Variants in TMEM8B observed in about 807,000 individuals in gnomAD.
The protein encoded by TMEM8B is nasopharyngeal carcinoma expressed 6.
In TMEM8B, 29 loss-of-function variants were observed where a neutral mutation model predicts 49.3. The ratio of observed to expected loss-of-function variants is 0.59; its 90% confidence interval spans 0.44 to 0.80. The LOEUF is 0.80. Ranked by LOEUF, TMEM8B falls within the 30% of genes least tolerant of loss-of-function variation. The probability of loss-of-function intolerance (pLI) is 0.00; values close to 1 mark genes in which losing one functional copy is unlikely to be tolerated. For missense variants in TMEM8B, 575 were observed against 658.5 expected, an observed-to-expected ratio of 0.87 and a Z score of 1.39; for synonymous variants, 264 against 272.8, an observed-to-expected ratio of 0.97 and a Z score of 0.32.
In TMEM8B at chr9:35,863,526, G is replaced by A. The variant is rs1036351363; in HGVS notation, c.*9686G>A. On this transcript the variant is annotated 3_prime_UTR_variant, in exon 13 of 13. Transcript: ENST00000643932. Reference sequence around the variant, plus strand: ...CAGGCTGGGACATCAGATAGAAGCTGGTTCCCATGGTGGCTGGGTTGGGAT... The same window carrying A: ...CAGGCTGGGACATCAGATAGAAGCTAGTTCCCATGGTGGCTGGGTTGGGAT... 1 of 152,206 alleles carries A rather than the reference G, an allele frequency of 6.6e-6. No individual in the cohort carries two copies. The highest frequency in any genetic ancestry group is 2.4e-5 in the African/African-American group (1 of 41,444). 9.4% of individuals were successfully genotyped at this position (152,206 alleles called of 1,614,324 possible). A position where few individuals can be genotyped will look rare whatever the true frequency, so the allele number is the denominator to read the frequency against.
chr9:35,846,509 C>G lies in TMEM8B; in HGVS notation c.1894C>G (p.Arg632Gly). 1 of 1,594,300 alleles carries G rather than the reference C, an allele frequency of 6.3e-7. No individual in the cohort carries two copies. Among genetic ancestry groups the G allele is most frequent in the Non-Finnish European group, 8.5e-7 (1 of 1,170,536 alleles). Residue 632 changes from arginine to glycine, a missense_variant, in exon 9 of 13, where the codon CGC (arginine) becomes GGC (glycine). By Grantham distance (125) the Arg-to-Gly change is moderately radical. Transcript: ENST00000643932. ...CAACGCGACGGCCGAGGTGCGGATGCGCACCTTCCTGTCCCCATGCGTGGA... is the reference window on the plus strand; with the variant it reads ...CAACGCGACGGCCGAGGTGCGGATGGGCACCTTCCTGTCCCCATGCGTGGA... ...CRNATAEVRMRTFLSPCVDDC... is the reference protein window; with the variant it reads ...CRNATAEVRMGTFLSPCVDDC...
At chr9:35,851,051 C>T (rs7022281) in intron 10 of TMEM8B, among the ~76,000 whole-genome samples, 94,737 of 152,056 alleles carry the variant, frequency 0.62, 29,613 homozygotes, top group East Asian at 0.75. Context: ...TCAGCACATA[C>T]AAATAGTTGA....
At chr9:35,843,674 A>G (rs535789692) in intron 6 of TMEM8B, among the ~76,000 whole-genome samples, 67 of 152,354 alleles carry the variant, frequency 4.4e-4, no homozygotes, top group African/African-American at 1.6e-3. Flanking sequence ...TCTTCAAACC[A>G]GTTGTATACA....
chr9:35,844,325 A>G (rs1182990711), intron 6 of TMEM8B, among the ~76,000 whole-genome samples: 1 of 152,240 alleles, frequency 6.6e-6, no homozygotes, highest in Non-Finnish European at 1.5e-5. Context: ...CATTACTGTC[A>G]GCGTTAAGAC....
chr9:35,837,236 T>C, intron 3 of TMEM8B, among the ~76,000 whole-genome samples: 1 of 152,220 alleles, frequency 6.6e-6, no homozygotes, highest in Non-Finnish European at 1.5e-5. Flanking sequence ...GATCTCCCTT[T>C]AGCCTTAGTC....
rs1416602790 is a variant in TMEM8B at position 35,856,660 on chromosome 9, T to C, written c.*2820T>C. On this transcript the variant is annotated 3_prime_UTR_variant, in exon 13 of 13. Transcript: ENST00000643932. Reference sequence around the variant, plus strand: ...ATGGTGAAGCCTTCTTAAAGCAATATCGGTGGAAAGGAGGGGACCAATTTA... The same window carrying C: ...ATGGTGAAGCCTTCTTAAAGCAATACCGGTGGAAAGGAGGGGACCAATTTA... 6.6e-6 allele frequency: 1 copy of C among 152,118 alleles called. No homozygotes were observed. The highest frequency in any genetic ancestry group is 1.9e-4 in the East Asian group (1 of 5,192). 9.4% of individuals were successfully genotyped at this position (152,118 alleles called of 1,614,324 possible).
chr9:35,842,298 C>A lies in TMEM8B; in HGVS notation c.1310-94C>A. Reference sequence around the variant, plus strand: ...ATTCTAGTTCTCATCCTTCCCCACTCTTTGCGAAATCCTGTCTAGCTCAGA... The same window carrying A: ...ATTCTAGTTCTCATCCTTCCCCACTATTTGCGAAATCCTGTCTAGCTCAGA... On this transcript the variant is annotated intron_variant, in intron 5 of 12. Coordinates refer to ENST00000643932, the MANE Select transcript of TMEM8B (RefSeq NM_001042590.4). This position sits in a 1 kb window ranked among gnomAD's most constrained non-coding sequence, Gnocchi z 5.6. 3.0e-6 allele frequency: 3 copies of A among 994,640 alleles called. No individual in the cohort carries two copies. The highest frequency in any genetic ancestry group is 2.0e-5 in the South Asian group (1 of 50,400). The allele number at this position is 994,640 out of a possible 1,614,324, so 61.6% of individuals were successfully genotyped here. A position where few individuals can be genotyped will look rare whatever the true frequency, so the allele number is the denominator to read the frequency against.
At chr9:35,849,673 A>G (rs1340964793) in intron 10 of TMEM8B, among the ~76,000 whole-genome samples, 1 of 152,226 alleles carries the variant, frequency 6.6e-6, no homozygotes, top group African/African-American at 2.4e-5. Context: ...ATGCATTGAT[A>G]TGCTTTTAAC....
At position 35,863,354 on chromosome 9, in the gene TMEM8B, T is replaced by C. The variant is rs1190132801; in HGVS notation, c.*9514T>C. The C allele has an allele frequency of 6.6e-6, 1 of 152,160 alleles. No individual in the cohort carries two copies. The highest frequency in any genetic ancestry group is 1.5e-5 in the Non-Finnish European group (1 of 68,036). 9.4% of individuals were successfully genotyped at this position (152,160 alleles called of 1,614,324 possible). ...ACATCAGTAACATGGTGGGTTTTCC[T>C]CACAACTTAAAAGTCTGATCGTAAC... On this transcript the variant is annotated 3_prime_UTR_variant, in exon 13 of 13. Transcript: ENST00000643932.
chr9:35,862,511 G>A lies in TMEM8B; in HGVS notation c.*8671G>A, dbSNP rs1319211862. The A allele has an allele frequency of 6.6e-6, 1 of 152,238 alleles. No homozygotes were observed. Among genetic ancestry groups the A allele is most frequent in the Non-Finnish European group, 1.5e-5 (1 of 68,096 alleles). The allele number at this position is 152,238 out of a possible 1,614,324, so 9.4% of individuals were successfully genotyped here. On this transcript the variant is annotated 3_prime_UTR_variant, in exon 13 of 13. Transcript: ENST00000643932. ...AGTAAGACCAAGTGGGCCTGGCGGA[G>A]GCATTTGAGGGCTTTTGTGTGTGCA...
chr9:35,850,024 C>G (rs1831993608), intron 10 of TMEM8B, among the ~76,000 whole-genome samples: 1 of 152,194 alleles, frequency 6.6e-6, no homozygotes, highest in East Asian at 1.9e-4. Context: ...CCTTATATCC[C>G]TCAGACCATC....
In TMEM8B at chr9:35,846,839, C is replaced by T. The variant is rs774128634; in HGVS notation, c.2019C>T (p.Thr673=). The change falls in exon 10 of 13, where the codon ACC becomes ACT. Residue 673 remains threonine, a synonymous_variant. Transcript: ENST00000643932. ...CKAGWRGWGC[T]DSADALTYGF... ...CAGGGTGGAGAGGCTGGGGCTGCACCGACAGTGCAGATGCGCTCACCTATG... is the reference window on the plus strand; with the variant it reads ...CAGGGTGGAGAGGCTGGGGCTGCACTGACAGTGCAGATGCGCTCACCTATG... 13 of 1,613,860 alleles carry T rather than the reference C, an allele frequency of 8.1e-6. No homozygotes were observed. The highest frequency in any genetic ancestry group is 1.1e-5 in the Non-Finnish European group (13 of 1,179,878).
Position 35,838,196 on chromosome 9 carries a change from A to G in TMEM8B, c.907-2938A>G, listed in dbSNP as rs565400474. 2.8e-4 allele frequency among the ~76,000 whole-genome samples: 42 copies of G among 152,316 alleles called. 1 individual carries two copies. In the South Asian group the frequency reaches 8.5e-3, roughly 31 times the overall value. On this transcript the variant is annotated intron_variant, in intron 3 of 12. Coordinates refer to ENST00000643932, the MANE Select transcript of TMEM8B (RefSeq NM_001042590.4). ...TGAATAGGCAATCCATGCACCTGGT[A>G]CAACATTCAAAAGGTACAAAAGATA...
At chr9:35,830,208 C>T (rs951272077) in intron 1 of TMEM8B, among the ~76,000 whole-genome samples, 1 of 152,106 alleles carries the variant, frequency 6.6e-6, no homozygotes, top group African/African-American at 2.4e-5. Context: ...TGGTGTCTGT[C>T]CTGACCCCAC....
At chr9:35,843,529 C>G (rs1288367197) in intron 6 of TMEM8B, among the ~76,000 whole-genome samples, 1 of 152,134 alleles carries the variant, frequency 6.6e-6, no homozygotes, top group Non-Finnish European at 1.5e-5. Context: ...ACCGGGGTAC[C>G]AGGTAACAAG....
chr9:35,841,784 G>A lies in TMEM8B; in HGVS notation c.1299G>A (p.Val433=), dbSNP rs1237180965. 2 of 415,936 alleles carry A rather than the reference G, an allele frequency of 4.8e-6. No individual in the cohort carries two copies. Among genetic ancestry groups the A allele is most frequent in the Non-Finnish European group, 8.8e-6 (2 of 226,538 alleles). The allele number at this position is 415,936 out of a possible 1,614,324, so 25.8% of individuals were successfully genotyped here. A position where few individuals can be genotyped will look rare whatever the true frequency, so the allele number is the denominator to read the frequency against. ...GGACCATCCGCTTCCAGCTGTGTGT[G>A]CGGTTGCAAGGTCAGAACCCCTGCA... is the stretch of plus-strand genomic sequence containing the variant. ...PGRTIRFQLC[V]RLQECPQPGL... Residue 433 remains valine (V), a synonymous_variant, in exon 5 of 13, where the codon GTG becomes GTA. Transcript: ENST00000643932. The surrounding 1 kb of genome is among the most constrained non-coding windows in gnomAD (Gnocchi z 5.9).
rs1421888221 is a variant in TMEM8B at position 35,853,492 on chromosome 9, C to A, written c.2440-13C>A. On this transcript the variant is annotated splice_polypyrimidine_tract_variant and intron_variant, in intron 12 of 12. Transcript: ENST00000643932. This position sits in a 1 kb window ranked among gnomAD's most constrained non-coding sequence, Gnocchi z 4.2. The stretch of plus-strand genomic sequence containing the variant: ...CTTGGCATTCCTGAGCCCCACTTCT[C>A]TGTCTCCCCCAGACAGTACGCAGCG... 1 of 1,602,746 alleles carries A rather than the reference C, an allele frequency of 6.2e-7. No homozygotes were observed. The highest frequency in any genetic ancestry group is 8.5e-7 in the Non-Finnish European group (1 of 1,174,412).
rs1347774702 is a variant in TMEM8B at position 35,855,217 on chromosome 9, A to G, written c.*1377A>G. On this transcript the variant is annotated 3_prime_UTR_variant, in exon 13 of 13. Transcript: ENST00000643932. Reference sequence around the variant, plus strand: ...TGCTCTGGGTTTTGACAGACAAGGCATGAGTTGCTGCATCTGTTAAAACTG... The same window carrying G: ...TGCTCTGGGTTTTGACAGACAAGGCGTGAGTTGCTGCATCTGTTAAAACTG... The G allele has an allele frequency of 2.0e-5, 3 of 152,230 alleles. No individual in the cohort carries two copies. The highest frequency in any genetic ancestry group is 1.3e-4 in the Admixed American group (2 of 15,280). The allele number at this position is 152,230 out of a possible 1,614,324, so 9.4% of individuals were successfully genotyped here.
In TMEM8B at chr9:35,854,298, TC is replaced by T. The variant is rs2132412329; in HGVS notation, c.*459del. ...TCAGGCTTCCTTCCCAGAGGCAGCGTCTGGGCTGTGCTGTGCTGTGGAGGAG... is the reference window on the plus strand; with the variant it reads ...TCAGGCTTCCTTCCCAGAGGCAGCGTTGGGCTGTGCTGTGCTGTGGAGGAG... On this transcript the variant is annotated 3_prime_UTR_variant, in exon 13 of 13. Coordinates refer to ENST00000643932, the MANE Select transcript of TMEM8B (RefSeq NM_001042590.4). 1 of 156,456 alleles carries T rather than the reference TC, an allele frequency of 6.4e-6. No homozygotes were observed. Among genetic ancestry groups the T allele is most frequent in the African/African-American group, 2.4e-5 (1 of 41,618 alleles). The allele number at this position is 156,456 out of a possible 1,614,324, so 9.7% of individuals were successfully genotyped here.
Sources: allele counts gnomAD v4.1 joint callset (sites outside exome capture counted in the v4.1 genomes callset), GRCh38; gene constraint gnomAD v4.1.1; non-coding constraint Gnocchi (gnomAD v3.1); transcripts MANE v1.5; gene names NCBI Gene and HGNC (gene_info 2026-07-23, HGNC 2026-07-21).